DPP6: variants seen among roughly 807,000 people sequenced by gnomAD.
DPP6 encodes dipeptidyl peptidase like 6, also known as A-type potassium channel modulatory protein DPP6.
DPP6 carries 69 observed loss-of-function variants against 122.6 expected under a neutral mutation model. The ratio of observed to expected loss-of-function variants is 0.56; its 90% CI spans 0.46 to 0.69. DPP6 has a LOEUF of 0.69. Ranked by LOEUF, DPP6 falls within the 30% of genes least tolerant of loss-of-function variation. The pLI, the probability that DPP6 is intolerant of heterozygous loss-of-function variation, is 0.00. For synonymous variants in DPP6, 418 were observed against 433.1 expected, an observed-to-expected ratio of 0.97 and a Z score of 0.43; for missense variants, 928 against 1,116.9, an observed-to-expected ratio of 0.83 and a Z score of 2.41.
intron 3 of DPP6, among the ~76,000 whole-genome samples, chr7:154,504,148 A>G (rs1295145822): frequency 6.6e-6 from 1 of 152,042 alleles, no homozygotes; most frequent in Non-Finnish European, 1.5e-5. Context: ...ATTTTATGAA[A>G]CAGTGCCCTC....
At chr7:154,865,908 G>A (rs116963088) in intron 17 of DPP6, among the ~76,000 whole-genome samples, 3,486 of 152,252 alleles carry the variant, frequency 0.023, 55 homozygotes, top group Middle Eastern at 0.034. Flanking sequence ...CATCTACCCC[G>A]GGTACCCAAA....
the DPP6 span, among the ~76,000 whole-genome samples, chr7:153,871,779 C>T: frequency 4.6e-5 from 7 of 152,150 alleles, no homozygotes; most frequent in Non-Finnish European, 7.3e-5. Flanking sequence ...TCTTCCTATT[C>T]GGCCATCTTG....
chr7:154,617,396 C>T (rs1319396883), intron 5 of DPP6, among the ~76,000 whole-genome samples: 1 of 152,208 alleles, frequency 6.6e-6, no homozygotes, highest in Non-Finnish European at 1.5e-5. Context: ...CTGCCATATC[C>T]ATCTTAGGAA....
chr7:154,682,508 C>T (rs949960757), intron 7 of DPP6, among the ~76,000 whole-genome samples: 1 of 152,230 alleles, frequency 6.6e-6, no homozygotes, highest in African/African-American at 2.4e-5. Flanking sequence ...CATTCTAATG[C>T]CCTGTGAGGG....
intron 1 of DPP6, among the ~76,000 whole-genome samples, chr7:154,004,451 A>G (rs1585162153): frequency 6.6e-6 from 1 of 151,966 alleles, no homozygotes; most frequent in East Asian, 1.9e-4. Flanking sequence ...TTGTTAGATC[A>G]GGCATAATAT....
At chr7:154,490,206 T>C (rs1307516531) in intron 3 of DPP6, among the ~76,000 whole-genome samples, 1 of 152,222 alleles carries the variant, frequency 6.6e-6, no homozygotes, top group Admixed American at 6.5e-5. Flanking sequence ...GTTCACTAAA[T>C]ACAACGGTAC....
At chr7:154,419,635 G>C (rs955828097) in intron 1 of DPP6, among the ~76,000 whole-genome samples, 2 of 152,282 alleles carry the variant, frequency 1.3e-5, no homozygotes, top group African/African-American at 4.8e-5. Flanking sequence ...GTTACAGCCC[G>C]AAGCCTGAAG....
chr7:153,988,219 G>A (rs1796944800), intron 1 of DPP6, among the ~76,000 whole-genome samples: 1 of 152,158 alleles, frequency 6.6e-6, no homozygotes, highest in South Asian at 2.1e-4. Context: ...GTGACAAGAA[G>A]CTGGCGCCTT....
chr7:154,662,906 C>T (rs78137389), intron 6 of DPP6, among the ~76,000 whole-genome samples: 2,117 of 31,236 alleles, frequency 0.068, 451 homozygotes, highest in South Asian at 0.11. Context: ...ATGGCATATT[C>T]GCCGTAGTGT....
intron 1 of DPP6, among the ~76,000 whole-genome samples, chr7:154,321,507 G>A (rs1330407617): frequency 6.6e-6 from 1 of 151,972 alleles, no homozygotes; most frequent in African/African-American, 2.4e-5. Flanking sequence ...TGGCGGCCAG[G>A]CGCGGTCGCT....
intron 5 of DPP6, among the ~76,000 whole-genome samples, chr7:154,620,167 C>T (rs1040419545): frequency 2.0e-5 from 3 of 152,186 alleles, no homozygotes; most frequent in African/African-American, 7.2e-5. Flanking sequence ...TGAAGACCCA[C>T]ATTAGCTAAT....
intron 5 of DPP6, among the ~76,000 whole-genome samples, chr7:154,626,506 C>T (rs1037866950): frequency 6.6e-6 from 1 of 152,180 alleles, no homozygotes; most frequent in Non-Finnish European, 1.5e-5. Flanking sequence ...ATGCGAGAAA[C>T]ATTCTCTATC....
intron 1 of DPP6, among the ~76,000 whole-genome samples, chr7:153,924,466 AATG>A (rs1800796398): frequency 6.6e-6 from 1 of 152,186 alleles, no homozygotes; most frequent in African/African-American, 2.4e-5. Flanking sequence ...TGATGATGAC[AATG>A]ATGATGAAAG....
chr7:153,874,022 CA>C, the DPP6 span, among the ~76,000 whole-genome samples: 6 of 152,124 alleles, frequency 3.9e-5, no homozygotes, highest in Non-Finnish European at 8.8e-5. Context: ...GACGAAAGCC[CA>C]GACTGTAAAG....
chr7:154,872,773 T>G, intron 19 of DPP6, 80 bp downstream of exon 19: 1 of 1,548,826 alleles, frequency 6.5e-7, no homozygotes, highest in Non-Finnish European at 8.7e-7. Flanking sequence ...TATTGAACTC[T>G]TAAGAAAAGA....
At chr7:154,091,551 G>T (rs1284809662) in intron 1 of DPP6, among the ~76,000 whole-genome samples, 1 of 152,126 alleles carries the variant, frequency 6.6e-6, no homozygotes. Context: ...CCCGTCAGAA[G>T]CATTTGAGAA....
At chr7:154,375,046 G>A (rs1378000901) in intron 1 of DPP6, among the ~76,000 whole-genome samples, 2 of 152,172 alleles carry the variant, frequency 1.3e-5, no homozygotes, top group Non-Finnish European at 2.9e-5. Context: ...GAGCACATGG[G>A]CTTGCAAACC....
chr7:154,716,846 T>G (rs562673111), intron 7 of DPP6, among the ~76,000 whole-genome samples: 6 of 152,272 alleles, frequency 3.9e-5, no homozygotes, highest in Admixed American at 2.0e-4. Context: ...ATTGTTGCTG[T>G]TTTTTGAGAC....
intron 5 of DPP6, among the ~76,000 whole-genome samples, chr7:154,585,454 G>A (rs1832376828): frequency 6.6e-6 from 1 of 152,170 alleles, no homozygotes; most frequent in African/African-American, 2.4e-5. Flanking sequence ...CGAGGATCAA[G>A]AAAGACAGGC....
Sources: gnomAD v4.1 joint callset for allele counts (sites outside exome capture counted in the v4.1 genomes callset) on GRCh38, gnomAD v4.1.1 for gene constraint, MANE v1.5 for transcripts, NCBI Gene and HGNC (gene_info 2026-07-23, HGNC 2026-07-21) for gene names.